The following BIN2 variants were observed in gnomAD, a reference collection of about 807,000 sequenced individuals.
BIN2 encodes the protein breast cancer associated protein BRAP1.
A neutral mutation model predicts 67.9 loss-of-function variants in BIN2; 43 were observed. The observed-to-expected ratio is 0.63, with a 90% CI of 0.50 to 0.82. The LOEUF is 0.82. BIN2 is among the 40% of genes least tolerant of loss of function. BIN2 has a pLI of 0.00. For synonymous variants in BIN2, 244 were observed against 246.8 expected, an observed-to-expected ratio of 0.99 and a Z score of 0.11; for missense variants, 581 against 671.6, an observed-to-expected ratio of 0.87 and a Z score of 1.49.
At chr12:51,295,577 AATATATATATATATATATATATAT>A (rs1163870830) in intron 9 of BIN2, among the ~76,000 whole-genome samples, 195 bp downstream of exon 9, 317 of 29,536 alleles carry the variant, frequency 0.011, 21 homozygotes, top group South Asian at 0.09. Flanking sequence ...AAAAAAAAAA[AATATATATATATATATATATATAT>A]ATATATATAT....
chr12:51,281,643 C>T (rs1248306722), intron 12 of BIN2, 115 bp from the exon 13 acceptor site: 2 of 1,083,118 alleles, frequency 1.8e-6, no homozygotes, highest in Admixed American at 3.6e-5. Context: ...TGCCACTGGC[C>T]TCTCTTGAGG....
intron 11 of BIN2, among the ~76,000 whole-genome samples, chr12:51,286,519 C>T (rs1408170463): frequency 2.6e-5 from 4 of 152,124 alleles, no homozygotes; most frequent in African/African-American, 9.7e-5. Flanking sequence ...CCTATAAACT[C>T]CTCCCTTCAA....
upstream of BIN2, chr12:51,324,638 C>CA: frequency 1.8e-6 from 2 of 1,123,492 alleles, no homozygotes; most frequent in Middle Eastern, 2.5e-4. Context: ...GCAGGCAGGA[C>CA]ACCCGAGCCG....
intron 9 of BIN2, among the ~76,000 whole-genome samples, chr12:51,293,025 T>C (rs1945431613): frequency 6.6e-6 from 1 of 151,870 alleles, no homozygotes; most frequent in Non-Finnish European, 1.5e-5. Context: ...TATTAATAAA[T>C]TAATAATATA....
At chr12:51,286,357 T>A (rs1945236110) in intron 11 of BIN2, among the ~76,000 whole-genome samples, 1 of 152,072 alleles carries the variant, frequency 6.6e-6, no homozygotes, top group South Asian at 2.1e-4. Flanking sequence ...ACCAAAGCAA[T>A]CCCACCAGAG....
chr12:51,299,784 CCAAA>C (rs1169725961), intron 5 of BIN2, 70 bp from the exon 6 acceptor site: 5 of 1,282,358 alleles, frequency 3.9e-6, no homozygotes, highest in Middle Eastern at 1.8e-4. Context: ...TAACAGAATA[CCAAA>C]CAGAGAGCAA....
intron 9 of BIN2, among the ~76,000 whole-genome samples, chr12:51,295,431 C>T (rs1443568211): frequency 2.7e-5 from 4 of 146,856 alleles, no homozygotes; most frequent in Admixed American, 6.8e-5. Flanking sequence ...GGCGTGATGG[C>T]GGGCGCCTGT....
chr12:51,300,220 T>C (rs973661464), intron 5 of BIN2, among the ~76,000 whole-genome samples: 2 of 152,176 alleles, frequency 1.3e-5, no homozygotes, highest in South Asian at 2.1e-4. Flanking sequence ...CAGAGGGAGA[T>C]AGAGTCCTAC....
Position 51,299,065 on chromosome 12 carries a change from A to T in BIN2, c.602+138T>A. ...ACTCTAGCCTGGGTGACAGAGTGAG[A>T]CCCTGTCTCGAAAAAAAAAAAAAGG... On this transcript the variant is annotated intron_variant, in intron 7 of 12. Transcript: ENST00000615107. 6.6e-6 allele frequency: 4 copies of T among 606,352 alleles called. No individual in the cohort carries two copies. The South Asian group carries it at 7.8e-5, about 12-fold the overall frequency. 37.6% of individuals were successfully genotyped at this position (606,352 alleles called of 1,614,324 possible). A position where few individuals can be genotyped will look rare whatever the true frequency, so the allele number is the denominator to read the frequency against.
intron 11 of BIN2, among the ~76,000 whole-genome samples, chr12:51,287,232 T>C (rs1409606707): frequency 6.6e-6 from 1 of 152,032 alleles, no homozygotes; most frequent in African/African-American, 2.4e-5. Flanking sequence ...CATACTACAG[T>C]GTCGAACACC....
At position 51,281,228 on chromosome 12, in the gene BIN2, G is replaced by C. The variant is rs1945113840; in HGVS notation, c.*271C>G. On this transcript the variant is annotated 3_prime_UTR_variant, in exon 13 of 13. Coordinates refer to ENST00000615107, the MANE Select transcript of BIN2 (RefSeq NM_016293.4). Reference sequence around the variant, plus strand: ...TTATAGTGATTAAAGCTCCACTTTAGTTAATGTATAAAGTCTTATTCTAAT... The same window carrying C: ...TTATAGTGATTAAAGCTCCACTTTACTTAATGTATAAAGTCTTATTCTAAT... 2 of 486,156 alleles carry C rather than the reference G, an allele frequency of 4.1e-6. No homozygotes were observed. Among genetic ancestry groups the C allele is most frequent in the East Asian group, 3.3e-5 (1 of 30,702 alleles). The allele number at this position is 486,156 out of a possible 1,614,324, so 30.1% of individuals were successfully genotyped here.
At chr12:51,313,228 A>AAGGCAGGCAGGC (rs768529869) in intron 2 of BIN2, among the ~76,000 whole-genome samples, 117 of 139,794 alleles carry the variant, frequency 8.4e-4, no homozygotes, top group African/African-American at 2.6e-3. Flanking sequence ...GGAAGGCAGG[A>AAGGCAGGCAGGC]AGGCAGGCAG....
intron 7 of BIN2, among the ~76,000 whole-genome samples, chr12:51,297,529 T>C (rs572029235): frequency 1.4e-4 from 22 of 152,042 alleles, no homozygotes; most frequent in Non-Finnish European, 2.6e-4. Flanking sequence ...ATCGTGCCAC[T>C]GCACTCCAGC....
At chr12:51,302,190 T>C in intron 4 of BIN2, 75 bp from the exon 5 acceptor site, 1 of 1,158,032 alleles carries the variant, frequency 8.6e-7, no homozygotes, top group Non-Finnish European at 1.3e-6. Context: ...ATACCCAAAT[T>C]CTCCCTGCAA....
chr12:51,312,290 T>C (rs1946016350), intron 2 of BIN2, among the ~76,000 whole-genome samples: 1 of 152,252 alleles, frequency 6.6e-6, no homozygotes, highest in Non-Finnish European at 1.5e-5. Flanking sequence ...CTGCAAGGAC[T>C]TCTGCCCAGC....
chr12:51,290,546 G>C (rs1260619923), intron 10 of BIN2, among the ~76,000 whole-genome samples: 5 of 152,042 alleles, frequency 3.3e-5, no homozygotes. Context: ...TCAATTACTG[G>C]CTGGGCGAGG....
intron 1 of BIN2, among the ~76,000 whole-genome samples, chr12:51,316,830 T>C (rs913549902): frequency 3.9e-5 from 6 of 152,178 alleles, no homozygotes; most frequent in African/African-American, 1.4e-4. Flanking sequence ...GCAACTTCTG[T>C]ATCTTGTATA....
chr12:51,286,455 G>C (rs1945239348), intron 11 of BIN2, among the ~76,000 whole-genome samples: 1 of 152,106 alleles, frequency 6.6e-6, no homozygotes, highest in African/African-American at 2.4e-5. Flanking sequence ...CTCTTTTCCA[G>C]GGAGGACAGT....
chr12:51,284,716 C>G lies in BIN2; in HGVS notation c.1668G>C (p.Glu556Asp). 6.2e-7 allele frequency: 1 copy of G among 1,606,408 alleles called. No individual in the cohort carries two copies. The highest frequency in any genetic ancestry group is 8.5e-7 in the Non-Finnish European group (1 of 1,173,114). The change falls in exon 12 of 13, where the codon GAG (glutamate) becomes GAC (aspartate). Residue 556 changes from glutamate to aspartate, a missense_variant and splice_region_variant. Coordinates refer to ENST00000615107, the MANE Select transcript of BIN2 (RefSeq NM_016293.4). ...CTATTCTCTGTATATCTGGTCTTACCTCTTCTTGAGGTTCAGGTGCTGTGA... is the reference window on the plus strand; with the variant it reads ...CTATTCTCTGTATATCTGGTCTTACGTCTTCTTGAGGTTCAGGTGCTGTGA... ...NNLTAPEPQE[E>D]VSTSENPQL
Sources: allele counts gnomAD v4.1 joint callset (sites outside exome capture counted in the v4.1 genomes callset), GRCh38; gene constraint gnomAD v4.1.1; transcripts MANE v1.5; gene names NCBI Gene and HGNC (gene_info 2026-07-23, HGNC 2026-07-21).